FRMPD3: variants seen among roughly 807,000 people sequenced by gnomAD.
FRMPD3 encodes the protein FERM and PDZ domain containing 3.
In FRMPD3, 42 loss-of-function variants were observed where a neutral mutation model predicts 97.9. The observed-to-expected ratio is 0.43, with a 90% confidence interval of 0.34 to 0.55. The LOEUF (loss-of-function observed/expected upper bound fraction) is 0.55, where lower values mean the gene tolerates loss of function less well. FRMPD3 is among the 20% of genes least tolerant of loss of function. The pLI is 0.03. For synonymous variants in FRMPD3, 577 were observed against 581.1 expected (o/e 0.99, Z 0.10); for missense variants, 1,303 against 1,457.7 (o/e 0.89, Z 1.73).
At position 107,601,652 on chromosome X, in the gene FRMPD3, G is replaced by A. The variant is rs1452680490; in HGVS notation, c.3613G>A (p.Ala1205Thr). 2 of 1,211,208 alleles carry A rather than the reference G, an allele frequency of 1.7e-6. No individual in the cohort carries two copies. Among genetic ancestry groups the A allele is most frequent in the East Asian group, 5.9e-5 (2 of 33,852 alleles). The change falls in exon 15 of 15, where the codon GCC (alanine) becomes ACC (threonine). Residue 1205 changes from alanine to threonine, a missense_variant. By Grantham distance (58) the Ala-to-Thr change is moderately conservative. Coordinates refer to ENST00000683843, the MANE Select transcript of FRMPD3 (RefSeq NM_001388459.1). Reference protein sequence around the residue: ...NGAHSTSEGPAKPKSSRGPFR... With the variant: ...NGAHSTSEGPTKPKSSRGPFR... Reference sequence around the variant, plus strand: ...AGCCCACTCGACCTCTGAAGGCCCTGCCAAACCCAAGTCATCCCGAGGTCC... The same window carrying A: ...AGCCCACTCGACCTCTGAAGGCCCTACCAAACCCAAGTCATCCCGAGGTCC...
chrX:107,581,699 T>C (rs911358781), intron 13 of FRMPD3, among the ~76,000 whole-genome samples: 3 of 111,853 alleles, frequency 2.7e-5, no homozygotes, highest in African/African-American at 9.7e-5. Context: ...ACCATTGGTC[T>C]ACTTTCAGTC....
chrX:107,475,235 G>A (rs1341686887), intron 1 of FRMPD3, among the ~76,000 whole-genome samples: 1 of 111,579 alleles, frequency 9.0e-6, no homozygotes, highest in Non-Finnish European at 1.9e-5. Flanking sequence ...TCATTTGGCC[G>A]ATGAAAGCCA....
At position 107,563,216 on chromosome X, in the gene FRMPD3, T is replaced by C. The variant is rs766450126; in HGVS notation, c.1116+16T>C. On this transcript the variant is annotated intron_variant, in intron 11 of 14. Transcript: ENST00000683843. ...TGTAGGCCTGGTCAGTGGCGCAGGA[T>C]TGGGGGATGTGGGGAGGGAGCCCCT... is the stretch of plus-strand genomic sequence containing the variant. 15 of 1,176,148 alleles carry C rather than the reference T, an allele frequency of 1.3e-5. No individual in the cohort carries two copies. The highest frequency in any genetic ancestry group is 1.1e-4 in the Admixed American group (5 of 45,108).
chrX:107,551,803 G>T (rs1043955790), intron 6 of FRMPD3, among the ~76,000 whole-genome samples: 1 of 112,578 alleles, frequency 8.9e-6, no homozygotes, highest in Non-Finnish European at 1.9e-5. Context: ...CCCTGACAGA[G>T]CTCCAGCAAC....
At chrX:107,524,744 G>A (rs915093372) in intron 1 of FRMPD3, among the ~76,000 whole-genome samples, 4 of 111,483 alleles carry the variant, frequency 3.6e-5, no homozygotes, top group African/African-American at 1.3e-4. Flanking sequence ...TGTAATCCCA[G>A]CACTTTGGGA....
chrX:107,553,022 A>C (rs1921930991), intron 7 of FRMPD3, 96 bp downstream of exon 7: 1 of 941,218 alleles, frequency 1.1e-6, no homozygotes, highest in Non-Finnish European at 1.4e-6. Context: ...TGATATGCTC[A>C]GCCGGTTCCC....
intron 1 of FRMPD3, among the ~76,000 whole-genome samples, chrX:107,489,213 A>G (rs1250023057): frequency 2.8e-5 from 3 of 108,686 alleles, no homozygotes; most frequent in Non-Finnish European, 5.7e-5. Context: ...TATGTGCCAC[A>G]TTTTCTTAAT....
intron 1 of FRMPD3, among the ~76,000 whole-genome samples, chrX:107,471,424 C>G (rs1921059810): frequency 9.1e-6 from 1 of 109,393 alleles, no homozygotes; most frequent in African/African-American, 3.3e-5. Context: ...GTTTGCTGCA[C>G]CTATTGACCT....
At chrX:107,507,452 G>A (rs1250580703) in intron 1 of FRMPD3, among the ~76,000 whole-genome samples, 1 of 110,579 alleles carries the variant, frequency 9.0e-6, no homozygotes, top group Non-Finnish European at 1.9e-5. Context: ...GGGCGGAGGC[G>A]GCCCCTCTGA....
intron 13 of FRMPD3, among the ~76,000 whole-genome samples, chrX:107,587,648 G>T (rs1331908990): frequency 8.9e-6 from 1 of 111,987 alleles, no homozygotes; most frequent in Non-Finnish European, 1.9e-5. Flanking sequence ...AGGCCTGGTG[G>T]TGACAAAATC....
At chrX:107,550,295 C>A in intron 6 of FRMPD3, 139 bp downstream of exon 6, 1 of 456,518 alleles carries the variant, frequency 2.2e-6, no homozygotes, top group Admixed American at 3.6e-5. Context: ...TGCTTGTTAG[C>A]ACAAGGCTGC....
rs764745196 is a variant in FRMPD3 at position 107,530,485 on chromosome X, G to A, written c.225G>A (p.Pro75=). Residue 75 remains proline, a synonymous_variant, in exon 3 of 15, where the codon CCG becomes CCA. Coordinates refer to ENST00000683843, the MANE Select transcript of FRMPD3 (RefSeq NM_001388459.1). ...AINEEDVSEA[P]RERLIELIRS... is the part of the protein sequence containing the mutation. Reference sequence around the variant, plus strand: ...ATGAGGAAGACGTGAGTGAAGCCCCGAGGGAGAGACTCATAGAACTTATCA... The same window carrying A: ...ATGAGGAAGACGTGAGTGAAGCCCCAAGGGAGAGACTCATAGAACTTATCA... 67 of 1,189,184 alleles carry A rather than the reference G, an allele frequency of 5.6e-5. No homozygotes were observed. Among genetic ancestry groups the A allele is most frequent in the South Asian group, 4.3e-4 (23 of 53,975 alleles).
chrX:107,519,723 C>T (rs1276323540), intron 1 of FRMPD3, among the ~76,000 whole-genome samples: 2 of 110,925 alleles, frequency 1.8e-5, no homozygotes, highest in African/African-American at 6.6e-5. Context: ...GGATATTTTG[C>T]AGAAAGAAGG....
At position 107,552,937 on chromosome X, in the gene FRMPD3, C is replaced by A. The variant is rs1300672085; in HGVS notation, c.642+11C>A. On this transcript the variant is annotated intron_variant, in intron 7 of 14. Transcript: ENST00000683843. ...CAACCCCTGGCTTATGTAAGTAACT[C>A]TTTTTTACAGATAGCTTTGCATGTG... The A allele has an allele frequency of 3.2e-5, 38 of 1,199,294 alleles. No homozygotes were observed. The highest frequency in any genetic ancestry group is 4.3e-5 in the Non-Finnish European group (38 of 890,205).
chrX:107,516,118 A>G (rs1406135795), intron 1 of FRMPD3, among the ~76,000 whole-genome samples: 1 of 101,441 alleles, frequency 9.9e-6, no homozygotes, highest in Non-Finnish European at 2.0e-5. Context: ...GAGTGAGAAC[A>G]TGTGGTGTTT....
At chrX:107,514,748 A>G (rs1922263331) in intron 1 of FRMPD3, among the ~76,000 whole-genome samples, 1 of 110,310 alleles carries the variant, frequency 9.1e-6, no homozygotes, top group Non-Finnish European at 1.9e-5. Context: ...CTGGTCTCGA[A>G]CTTCTGACCT....
At chrX:107,456,927 C>A (rs2147886181) in intron 1 of FRMPD3, among the ~76,000 whole-genome samples, 1 of 112,097 alleles carries the variant, frequency 8.9e-6, no homozygotes, top group Non-Finnish European at 1.9e-5. Context: ...AAAACAAGAT[C>A]ATTCTGGAGG....
chrX:107,510,442 G>A (rs898195775), intron 1 of FRMPD3, among the ~76,000 whole-genome samples: 16 of 111,333 alleles, frequency 1.4e-4, no homozygotes, highest in African/African-American at 5.2e-4. Flanking sequence ...ATCCAAAGAC[G>A]AGCCCACAGG....
rs1415294859 is a variant in FRMPD3, at chrX:107,570,184, G to C, written c.1296+5118G>C. 1.2e-4 allele frequency among the ~76,000 whole-genome samples: 12 copies of C among 97,966 alleles called. No homozygotes were observed. In the East Asian group the frequency reaches 2.7e-3, roughly 22 times the overall value. 85.1% of individuals were successfully genotyped at this position (97,966 alleles called of 115,157 possible). On this transcript the variant is annotated intron_variant, in intron 12 of 14. Transcript: ENST00000683843. ...GGAAGGAAGGGAAGGAGGGAGGAAG[G>C]GGGGAGCGGGGGAGGGAGGCAGGAA...
Sources: gnomAD v4.1 joint callset for allele counts (sites outside exome capture counted in the v4.1 genomes callset) on GRCh38, gnomAD v4.1.1 for gene constraint, MANE v1.5 for transcripts, NCBI Gene and HGNC (gene_info 2026-07-23, HGNC 2026-07-21) for gene names.